GRM8: variants seen among roughly 807,000 people sequenced by gnomAD.
GRM8 encodes glutamate metabotropic receptor 8.
Under a neutral mutation model 87.2 loss-of-function variants are expected in GRM8, and 47 were observed. That is an observed-to-expected ratio of 0.54 (90% CI 0.43 to 0.69). The LOEUF (loss-of-function observed/expected upper bound fraction) is 0.69. Among genes scored for constraint, GRM8 ranks in the 30% least tolerant of loss-of-function variants. The pLI is 0.00. For missense variants in GRM8, 1,019 were observed against 1,139.2 expected (o/e 0.89, Z 1.52); for synonymous variants, 396 against 404.5 (o/e 0.98, Z 0.25).
intron 8 of GRM8, among the ~76,000 whole-genome samples, chr7:126,574,065 C>T (rs1179791003): frequency 6.6e-6 from 1 of 152,136 alleles, no homozygotes; most frequent in Non-Finnish European, 1.5e-5. Flanking sequence ...TGACTTAAAG[C>T]AATCTTCTAA....
chr7:126,631,188 C>A (rs1264716432), intron 7 of GRM8, among the ~76,000 whole-genome samples: 1 of 152,128 alleles, frequency 6.6e-6, no homozygotes, highest in African/African-American at 2.4e-5. Flanking sequence ...ACTGCAAAGT[C>A]TCATGATACA....
intron 6 of GRM8, among the ~76,000 whole-genome samples, chr7:126,830,927 G>C (rs1390497080): frequency 6.6e-6 from 1 of 152,204 alleles, no homozygotes; most frequent in South Asian, 2.1e-4. Context: ...TAACAGACAG[G>C]ACCCTCAGCT....
At chr7:126,888,544 A>C (rs1231472009) in intron 6 of GRM8, among the ~76,000 whole-genome samples, 1 of 152,150 alleles carries the variant, frequency 6.6e-6, no homozygotes, top group African/African-American at 2.4e-5. Context: ...AGTAGGATTT[A>C]AATTTTATTT....
intron 3 of GRM8, among the ~76,000 whole-genome samples, chr7:126,945,511 AC>A (rs912113816): frequency 4.7e-4 from 71 of 152,342 alleles, no homozygotes; most frequent in African/African-American, 1.6e-3. Flanking sequence ...CAGTCAAAAC[AC>A]AGTCGAAACT....
intron 2 of GRM8, among the ~76,000 whole-genome samples, chr7:127,213,988 C>T (rs1409316408): frequency 1.3e-5 from 2 of 152,170 alleles, no homozygotes; most frequent in South Asian, 2.1e-4. Flanking sequence ...CATATTCACA[C>T]AATAGAATAC....
intron 2 of GRM8, chr7:127,118,215 T>C (rs1826816367): frequency 6.6e-6 from 1 of 152,158 alleles, no homozygotes; most frequent in African/African-American, 2.4e-5. Context: ...CGAGCTCCAT[T>C]TACACAGGGG....
chr7:127,017,523 C>T (rs190303461), intron 3 of GRM8, among the ~76,000 whole-genome samples: 3 of 152,056 alleles, frequency 2.0e-5, no homozygotes, highest in Non-Finnish European at 2.9e-5. Flanking sequence ...ACAAATGACA[C>T]CAAGTTTTCA....
At chr7:126,497,118 A>G (rs74620904) in intron 9 of GRM8, among the ~76,000 whole-genome samples, 1 of 151,890 alleles carries the variant, frequency 6.6e-6, no homozygotes, top group East Asian at 2.0e-4. Flanking sequence ...TTATGAGCCA[A>G]TTTCAGCGTG....
intron 7 of GRM8, among the ~76,000 whole-genome samples, chr7:126,745,412 T>TTATATTATATTATATTATATTA (rs1815536911): frequency 6.6e-6 from 1 of 150,498 alleles, no homozygotes; most frequent in Admixed American, 6.6e-5. Context: ...TTATATTATA[T>TTATATTATATTATATTATATTA]TATACTTGTT....
chr7:127,098,497 T>C (rs1824894222), intron 3 of GRM8, among the ~76,000 whole-genome samples: 1 of 152,160 alleles, frequency 6.6e-6, no homozygotes, highest in Admixed American at 6.6e-5. Flanking sequence ...TGTACTAAGA[T>C]ACATTAAAAA....
At chr7:127,237,987 C>A (rs192415698) in intron 2 of GRM8, among the ~76,000 whole-genome samples, 1 of 152,260 alleles carries the variant, frequency 6.6e-6, no homozygotes, top group East Asian at 1.9e-4. Flanking sequence ...AATTTGAGCT[C>A]TTTATAAAAC....
At chr7:126,912,821 T>C (rs1327277024) in intron 3 of GRM8, among the ~76,000 whole-genome samples, 2 of 152,204 alleles carry the variant, frequency 1.3e-5, no homozygotes, top group African/African-American at 2.4e-5. Flanking sequence ...CCGTAGACTA[T>C]TGTTTGCCTT....
chr7:126,617,289 C>G (rs566500348), intron 7 of GRM8, among the ~76,000 whole-genome samples: 6 of 152,162 alleles, frequency 3.9e-5, no homozygotes, highest in Non-Finnish European at 7.4e-5. Context: ...ATGATTATCT[C>G]AATAGATGAA....
chr7:127,159,194 T>C (rs1792934222), intron 2 of GRM8, among the ~76,000 whole-genome samples: 1 of 152,206 alleles, frequency 6.6e-6, no homozygotes. Context: ...GTGTGCGAAC[T>C]AATAATAACA....
At chr7:126,912,303 A>AT (rs775190729) in intron 3 of GRM8, among the ~76,000 whole-genome samples, 1 of 152,220 alleles carries the variant, frequency 6.6e-6, no homozygotes, top group African/African-American at 2.4e-5. Flanking sequence ...GCAGGCTGGG[A>AT]TCATTGAGGG....
chr7:126,801,365 A>C (rs1176996480), intron 6 of GRM8, among the ~76,000 whole-genome samples: 1 of 100,408 alleles, frequency 1.0e-5, no homozygotes, highest in African/African-American at 2.9e-5. Context: ...TATATAATGG[A>C]ATGCTTTGTG....
chr7:126,728,179 TCA>T (rs1482433228), intron 7 of GRM8, among the ~76,000 whole-genome samples: 5 of 152,126 alleles, frequency 3.3e-5, no homozygotes, highest in African/African-American at 1.2e-4. Flanking sequence ...AGTGCTCTCT[TCA>T]CAGATCCAGT....
At chr7:126,483,747 C>CCCTA (rs1807015677) in intron 9 of GRM8, among the ~76,000 whole-genome samples, 1 of 29,622 alleles carries the variant, frequency 3.4e-5, no homozygotes, top group Non-Finnish European at 6.5e-5. Flanking sequence ...GTATTTCCCT[C>CCCTA]CCTCCCTCCC....
chr7:126,452,907 C>A (rs1802792005), intron 9 of GRM8, among the ~76,000 whole-genome samples: 1 of 151,696 alleles, frequency 6.6e-6, no homozygotes, highest in Non-Finnish European at 1.5e-5. Context: ...TACACAGTGG[C>A]ACAGAGCCTG....
Sources: allele counts gnomAD v4.1 joint callset (sites outside exome capture counted in the v4.1 genomes callset), GRCh38; gene constraint gnomAD v4.1.1; transcripts MANE v1.5; gene names NCBI Gene and HGNC (gene_info 2026-07-23, HGNC 2026-07-21).